The following RARB variants were observed in gnomAD, a reference collection of about 807,000 sequenced individuals.
The protein encoded by RARB is retinoic acid receptor beta.
A neutral mutation model predicts 51.9 loss-of-function variants in RARB; 17 were observed. The ratio of observed to expected loss-of-function variants is 0.33; its 90% CI spans 0.22 to 0.49. The LOEUF (loss-of-function observed/expected upper bound fraction) is 0.49. RARB is among the 20% of genes least tolerant of loss of function. The pLI is 0.99. For missense variants in RARB, 369 were observed against 550.8 expected, an observed-to-expected ratio of 0.67 and a Z score of 3.30; for synonymous variants, 215 against 195.4, an observed-to-expected ratio of 1.10 and a Z score of -0.84.
intron 3 of RARB, among the ~76,000 whole-genome samples, chr3:25,107,797 C>G (rs1279542902): frequency 3.3e-5 from 5 of 152,140 alleles, no homozygotes; most frequent in African/African-American, 1.2e-4. Flanking sequence ...AACAGCAAAA[C>G]TAACATAAAT....
intron 5 of RARB, among the ~76,000 whole-genome samples, chr3:25,255,004 T>C (rs73151268): frequency 0.03 from 4,601 of 152,216 alleles, 139 homozygotes; most frequent in African/African-American, 0.078. Context: ...TCAAAAAATA[T>C]TAGCATTCTT....
At chr3:25,193,729 T>C (rs142294244) in intron 5 of RARB, among the ~76,000 whole-genome samples, 1 of 151,986 alleles carries the variant, frequency 6.6e-6, no homozygotes, top group African/African-American at 2.4e-5. Flanking sequence ...CTATTGTGTA[T>C]GTAGATTGTT....
rs558011704 is a variant in RARB at position 25,366,593 on chromosome 3, C to T, written c.179-94600C>T. On this transcript the variant is annotated intron_variant, in intron 5 of 11. Transcript: ENST00000383772. ...AACTCAACATAAAGGAAATAATATA[C>T]AGGGCACAATCAAAATATTTTTAGC... Among the ~76,000 whole-genome samples, 5 of 152,320 alleles carry T rather than the reference C, an allele frequency of 3.3e-5. No individual in the cohort carries two copies. The East Asian group carries it at 9.6e-4, about 29-fold the overall frequency.
At chr3:24,944,041 A>C (rs1429763794) in intron 2 of RARB, among the ~76,000 whole-genome samples, 1 of 152,198 alleles carries the variant, frequency 6.6e-6, no homozygotes, top group Admixed American at 6.5e-5. Flanking sequence ...ATTGCCTTGT[A>C]ATATATTAAT....
At chr3:25,097,290 A>T (rs550490842) in intron 3 of RARB, among the ~76,000 whole-genome samples, 2 of 152,314 alleles carry the variant, frequency 1.3e-5, no homozygotes, top group East Asian at 3.9e-4. Context: ...AATGCAGGGA[A>T]ACTAAAAGAG....
At chr3:25,130,927 ATCATTGATAATATCAATATTTAT>A in intron 3 of RARB, among the ~76,000 whole-genome samples, 6 of 28,354 alleles carry the variant, frequency 2.1e-4, no homozygotes, top group African/African-American at 9.2e-4. Flanking sequence ...ATCAATATTT[ATCATTGATAATATCAATATTTAT>A]TATTGATAAT....
At chr3:25,526,951 G>C (rs1482392856) in intron 3 of RARB, among the ~76,000 whole-genome samples, 1 of 152,226 alleles carries the variant, frequency 6.6e-6, no homozygotes, top group Admixed American at 6.5e-5. Context: ...GCAACTGGAA[G>C]CAGGGTGTGT....
chr3:25,525,784 G>A (rs1482404647), intron 3 of RARB, among the ~76,000 whole-genome samples: 2 of 152,086 alleles, frequency 1.3e-5, no homozygotes, highest in African/African-American at 2.4e-5. Context: ...AGGTAAAGGG[G>A]TCTATTTTAT....
intron 5 of RARB, among the ~76,000 whole-genome samples, chr3:25,340,705 G>A (rs1705202097): frequency 6.6e-6 from 1 of 152,148 alleles, no homozygotes; most frequent in Admixed American, 6.5e-5. Context: ...TGAAAAACAA[G>A]AGAGATTTTA....
At chr3:24,876,218 G>A (rs1478568714) in intron 2 of RARB, among the ~76,000 whole-genome samples, 3 of 152,030 alleles carry the variant, frequency 2.0e-5, no homozygotes, top group Admixed American at 1.3e-4. Flanking sequence ...TTAATATCTT[G>A]GGAAAGAAAC....
At chr3:25,228,597 C>A (rs1372201264) in intron 5 of RARB, among the ~76,000 whole-genome samples, 1 of 151,734 alleles carries the variant, frequency 6.6e-6, no homozygotes, top group Non-Finnish European at 1.5e-5. Context: ...TGTCTGTAGT[C>A]CTTTTTATTT....
chr3:25,031,285 T>G (rs1391253018), intron 2 of RARB, among the ~76,000 whole-genome samples: 1 of 152,164 alleles, frequency 6.6e-6, no homozygotes, highest in East Asian at 1.9e-4. Flanking sequence ...TAGCTCAGTG[T>G]TATTTAACAC....
chr3:25,146,511 G>GTTTTTTTTTTTT (rs1197635626), intron 4 of RARB, among the ~76,000 whole-genome samples: 1 of 134,522 alleles, frequency 7.4e-6, no homozygotes, highest in African/African-American at 2.7e-5. Flanking sequence ...TTGTTTGTTT[G>GTTTTTTTTTTTT]TTTTTTTTTT....
intron 5 of RARB, among the ~76,000 whole-genome samples, chr3:25,224,688 A>T (rs1702016874): frequency 6.6e-6 from 1 of 152,044 alleles, no homozygotes; most frequent in South Asian, 2.1e-4. Context: ...GCTCACTGTA[A>T]CCTCAACCTC....
intron 2 of RARB, among the ~76,000 whole-genome samples, chr3:24,882,383 T>G (rs1354196013): frequency 6.6e-6 from 1 of 152,202 alleles, no homozygotes. Context: ...ACTCTAGCAT[T>G]TATATTGTAC....
At chr3:25,493,307 G>T (rs572417878) in intron 2 of RARB, among the ~76,000 whole-genome samples, 1 of 152,096 alleles carries the variant, frequency 6.6e-6, no homozygotes, top group Non-Finnish European at 1.5e-5. Context: ...CTTCTCAGAC[G>T]TTGTCACGCA....
chr3:25,411,835 C>T (rs1040812731), intron 5 of RARB, among the ~76,000 whole-genome samples: 4 of 152,152 alleles, frequency 2.6e-5, no homozygotes, highest in African/African-American at 9.7e-5. Flanking sequence ...ACCCAACTTC[C>T]AGCAAGTCAA....
rs568104146 is a variant in RARB at position 25,323,081 on chromosome 3, G to A, written c.179-138112G>A. On this transcript the variant is annotated intron_variant, in intron 5 of 11. Transcript: ENST00000383772. Reference sequence around the variant, plus strand: ...GGGCCCTGGTCCTATCTGTTGGCAGGTATGCCTCAGTGCTCCTCCATTGGC... The same window carrying A: ...GGGCCCTGGTCCTATCTGTTGGCAGATATGCCTCAGTGCTCCTCCATTGGC... 1.6e-4 allele frequency among the ~76,000 whole-genome samples: 24 copies of A among 152,270 alleles called. No homozygotes were observed. In the South Asian group the frequency reaches 4.8e-3, roughly 30 times the overall value.
At chr3:25,318,765 C>T (rs1158404039) in intron 5 of RARB, among the ~76,000 whole-genome samples, 1 of 152,186 alleles carries the variant, frequency 6.6e-6, no homozygotes, top group African/African-American at 2.4e-5. Flanking sequence ...TGTAAGTGGC[C>T]TCCACATTTA....
Sources: gnomAD v4.1 joint callset for allele counts (sites outside exome capture counted in the v4.1 genomes callset) on GRCh38, gnomAD v4.1.1 for gene constraint, MANE v1.5 for transcripts, NCBI Gene and HGNC (gene_info 2026-07-23, HGNC 2026-07-21) for gene names.